INPP4A: variants seen among roughly 807,000 people sequenced by gnomAD.
INPP4A encodes the protein inositol polyphosphate-4-phosphatase type I A, also known as inositol polyphosphate-4-phosphatase, type I, 107kD.
A neutral mutation model predicts 119.8 loss-of-function variants in INPP4A; 33 were observed. That is an observed-to-expected ratio of 0.28 (90% confidence interval 0.21 to 0.37). The LOEUF is 0.37. Ranked by LOEUF, INPP4A falls within the 10% of genes least tolerant of loss-of-function variation. INPP4A has a pLI of 1.00. For missense variants in INPP4A, 956 were observed against 1,289.9 expected, an observed-to-expected ratio of 0.74 and a Z score of 3.97; for synonymous variants, 496 against 500.7, an observed-to-expected ratio of 0.99 and a Z score of 0.12.
intron 1 of INPP4A, among the ~76,000 whole-genome samples, chr2:98,468,120 G>A (rs1675175731): frequency 1.3e-5 from 2 of 152,192 alleles, no homozygotes; most frequent in Non-Finnish European, 2.9e-5. Context: ...AATTGAATTT[G>A]TAATAACCCT....
chr2:98,552,162 T>A (rs1242210558), intron 13 of INPP4A, among the ~76,000 whole-genome samples: 1 of 152,202 alleles, frequency 6.6e-6, no homozygotes, highest in Non-Finnish European at 1.5e-5. Context: ...TTTCTTCATT[T>A]GATGAAACGT....
intron 16 of INPP4A, 76 bp from the exon 17 acceptor site, chr2:98,559,387 G>C (rs1238072667): frequency 2.6e-6 from 4 of 1,539,608 alleles, no homozygotes; most frequent in Non-Finnish European, 3.6e-6. Flanking sequence ...CGCAGCTGCT[G>C]CTCTGAGATT....
intron 1 of INPP4A, among the ~76,000 whole-genome samples, chr2:98,460,275 G>C (rs551296604): frequency 6.6e-6 from 1 of 152,138 alleles, no homozygotes; most frequent in African/African-American, 2.4e-5. Context: ...GTGGGTTTTG[G>C]GGAGCATCAC....
chr2:98,461,359 C>T (rs569441612), intron 1 of INPP4A, among the ~76,000 whole-genome samples: 1 of 152,352 alleles, frequency 6.6e-6, no homozygotes, highest in East Asian at 1.9e-4. Flanking sequence ...AAGGCCGTGG[C>T]AGTCACTGCC....
intron 1 of INPP4A, among the ~76,000 whole-genome samples, chr2:98,512,442 G>T (rs1211659708): frequency 2.0e-5 from 3 of 152,218 alleles, no homozygotes; most frequent in Non-Finnish European, 4.4e-5. Context: ...ACATACCACA[G>T]CCTGGGTAGT....
chr2:98,464,407 G>C (rs947328762), intron 1 of INPP4A, among the ~76,000 whole-genome samples: 3 of 152,230 alleles, frequency 2.0e-5, no homozygotes, highest in Non-Finnish European at 4.4e-5. Flanking sequence ...GGAAAATCGA[G>C]AGTGGGGGTG....
chr2:98,518,686 A>G (rs1008482307), intron 1 of INPP4A, among the ~76,000 whole-genome samples: 1 of 152,180 alleles, frequency 6.6e-6, no homozygotes, highest in African/African-American at 2.4e-5. Context: ...TCACATTCTC[A>G]TCCCCCTAAA....
chr2:98,457,980 T>TAAA lies in INPP4A; in HGVS notation c.-166+12895_-166+12896insAAA, dbSNP rs1558867906. Among the ~76,000 whole-genome samples, 875 of 99,920 alleles carry TAAA rather than the reference T, an allele frequency of 8.8e-3. 2 individuals are homozygous for TAAA. The highest frequency in any genetic ancestry group is 0.02 in the Middle Eastern group (4 of 196). The allele number at this position is 99,920 out of a possible 152,430, so 65.6% of individuals were successfully genotyped here. ...TGTGCCCAGCTAATTAAACAAAAAT[T>TAAA]TTTTTTTTTTTTTTTTTTTGTTTAA... is the stretch of plus-strand genomic sequence containing the variant. On this transcript the variant is annotated intron_variant, in intron 1 of 24. Transcript: ENST00000409851.
chr2:98,564,595 G>A, intron 18 of INPP4A, 45 bp from the exon 19 acceptor site: 1 of 1,610,518 alleles, frequency 6.2e-7, no homozygotes, highest in Non-Finnish European at 8.5e-7. Context: ...GCCATTTGGT[G>A]AGCAGGCACC....
chr2:98,477,010 T>C (rs1231412439), intron 1 of INPP4A, among the ~76,000 whole-genome samples: 1 of 152,204 alleles, frequency 6.6e-6, no homozygotes, highest in African/African-American at 2.4e-5. Context: ...CAGATGGGCT[T>C]AGCAGGAGTG....
intron 1 of INPP4A, among the ~76,000 whole-genome samples, chr2:98,510,894 C>A (rs1444307128): frequency 1.3e-5 from 2 of 152,302 alleles, no homozygotes; most frequent in East Asian, 1.9e-4. Context: ...CCATTGCTGC[C>A]TGTCCATCAT....
At chr2:98,452,122 C>A (rs1321148231) in intron 1 of INPP4A, among the ~76,000 whole-genome samples, 1 of 152,206 alleles carries the variant, frequency 6.6e-6, no homozygotes, top group Admixed American at 6.5e-5. Context: ...TCCTGTCCAG[C>A]AGGAGCAGGG....
chr2:98,538,623 C>G (rs370089809), intron 8 of INPP4A, among the ~76,000 whole-genome samples: 1 of 152,328 alleles, frequency 6.6e-6, no homozygotes, highest in East Asian at 1.9e-4. Context: ...TATTCTCTTC[C>G]TTTTCGTTTT....
At position 98,569,806 on chromosome 2, in the gene INPP4A, G is replaced by A. The variant is rs1575130314; in HGVS notation, c.2518+1138G>A. The A allele has an allele frequency of 6.6e-6, 1 of 152,378 alleles. No individual in the cohort carries two copies. 9.4% of individuals were successfully genotyped at this position (152,378 alleles called of 1,614,324 possible). Reference sequence around the variant, plus strand: ...AAGTCGTGGCTTCAGCAGGGAAGCAGTGGGAAAAAAGACGCCTCTTCACAG... The same window carrying A: ...AAGTCGTGGCTTCAGCAGGGAAGCAATGGGAAAAAAGACGCCTCTTCACAG... On this transcript the variant is annotated intron_variant, in intron 22 of 24. Transcript: ENST00000409851. This position sits in a 1 kb window ranked among gnomAD's most constrained non-coding sequence, Gnocchi z 5.1.
At chr2:98,461,035 T>C (rs1262249657) in intron 1 of INPP4A, among the ~76,000 whole-genome samples, 1 of 152,182 alleles carries the variant, frequency 6.6e-6, no homozygotes, top group South Asian at 2.1e-4. Context: ...CGGTTCCATC[T>C]TCTCCATAGC....
In INPP4A at chr2:98,554,174, G is replaced by T; in HGVS notation, c.1348-97G>T. On this transcript the variant is annotated intron_variant, in intron 14 of 24. Transcript: ENST00000409851. The surrounding 1 kb of genome is among the most constrained non-coding windows in gnomAD (Gnocchi z 4.7). Reference sequence around the variant, plus strand: ...GTGGAGAAAGGCAGAGGGGTGCAGTGCTGGGCTTTAAGCCCATTCTCCATT... The same window carrying T: ...GTGGAGAAAGGCAGAGGGGTGCAGTTCTGGGCTTTAAGCCCATTCTCCATT... 1.1e-6 allele frequency: 1 copy of T among 890,912 alleles called. No individual in the cohort carries two copies. Among genetic ancestry groups the T allele is most frequent in the Non-Finnish European group, 1.7e-6 (1 of 578,010 alleles). 55.2% of individuals were successfully genotyped at this position (890,912 alleles called of 1,614,324 possible).
intron 21 of INPP4A, among the ~76,000 whole-genome samples, chr2:98,567,784 G>T (rs911814228): frequency 1.3e-5 from 2 of 152,178 alleles, no homozygotes; most frequent in South Asian, 2.1e-4. Context: ...GTCAGGGATG[G>T]CCCCCAAGGG....
At chr2:98,509,453 C>T (rs1334921365) in intron 1 of INPP4A, among the ~76,000 whole-genome samples, 3 of 152,208 alleles carry the variant, frequency 2.0e-5, no homozygotes, top group Non-Finnish European at 4.4e-5. Context: ...ACAGTTTCGT[C>T]GCGAAACCAC....
At position 98,545,833 on chromosome 2, in the gene INPP4A, A is replaced by G. The variant is rs971307677; in HGVS notation, c.950-136A>G. The G allele has an allele frequency of 1.3e-5, 8 of 605,812 alleles. No individual in the cohort carries two copies. The African/African-American group carries it at 1.3e-4, about 10-fold the overall frequency. 37.5% of individuals were successfully genotyped at this position (605,812 alleles called of 1,614,324 possible). ...CTGGAAATGAAATGTGCTCATGGCAACTCAGAATCTTCTAGGCCACTGCCG... is the reference window on the plus strand; with the variant it reads ...CTGGAAATGAAATGTGCTCATGGCAGCTCAGAATCTTCTAGGCCACTGCCG... On this transcript the variant is annotated intron_variant, in intron 11 of 24. Coordinates refer to ENST00000409851, the MANE Select transcript of INPP4A (RefSeq NM_001134225.2).
Sources: gnomAD v4.1 joint callset for allele counts (sites outside exome capture counted in the v4.1 genomes callset) on GRCh38, gnomAD v4.1.1 for gene constraint, Gnocchi (gnomAD v3.1) non-coding constraint, MANE v1.5 for transcripts, NCBI Gene and HGNC (gene_info 2026-07-23, HGNC 2026-07-21) for gene names.